Variants in GNB1 observed in about 807,000 individuals in gnomAD.
The protein encoded by GNB1 is G protein subunit beta 1, also known as guanine nucleotide-binding protein G(I)/G(S)/G(T) subunit beta-1.
GNB1 carries 2 observed loss-of-function variants against 42.9 expected under a neutral mutation model. The observed-to-expected ratio is 0.05, with a 90% CI of 0.02 to 0.15. The LOEUF is 0.15. Ranked by LOEUF, GNB1 falls within the 10% of genes least tolerant of loss-of-function variation. GNB1 has a pLI of 1.00. For synonymous variants in GNB1, 183 were observed against 174.7 expected, an observed-to-expected ratio of 1.05 and a Z score of -0.38; for missense variants, 193 against 462.2, an observed-to-expected ratio of 0.42 and a Z score of 5.34.
In GNB1 at chr1:1,790,300, G is replaced by A. The variant is rs2100500785; in HGVS notation, c.699+95C>T. ...ATGAGGTTGTATAAGGATCAGAAAG[G>A]AGAACATCTAATCCAGAAAAGTTTA... On this transcript the variant is annotated intron_variant, in intron 9 of 11. Transcript: ENST00000378609. This position sits in a 1 kb window ranked among gnomAD's most constrained non-coding sequence, Gnocchi z 5.4. The A allele has an allele frequency of 2.4e-6, 2 of 822,366 alleles. No homozygotes were observed. The highest frequency in any genetic ancestry group is 4.1e-6 in the Non-Finnish European group (2 of 484,434). 50.9% of individuals were successfully genotyped at this position (822,366 alleles called of 1,614,324 possible).
chr1:1,888,736 G>A (rs1002663165), intron 1 of GNB1, among the ~76,000 whole-genome samples: 1 of 152,142 alleles, frequency 6.6e-6, no homozygotes, highest in Admixed American at 6.5e-5. Flanking sequence ...TACTCGGGAG[G>A]CTGAGGCAAG....
chr1:1,804,569 G>T lies in GNB1; in HGVS notation c.280C>A (p.Pro94Thr). 6.2e-7 allele frequency: 1 copy of T among 1,603,756 alleles called. No individual in the cohort carries two copies. The highest frequency in any genetic ancestry group is 8.5e-7 in the Non-Finnish European group (1 of 1,173,966). ...GTCATGACCCAGGAGGAGCGCAGAG[G>T]GATGGCGTGGACCTAATGACAGAAA... ...SYTTNKVHAI[P>T]LRSSWVMTCA... The change falls in exon 7 of 12, where the codon CCT becomes ACT. Residue 94 changes from proline to threonine, a missense_variant. By Grantham distance (38) the Pro-to-Thr change is conservative. Coordinates refer to ENST00000378609, the MANE Select transcript of GNB1 (RefSeq NM_002074.5).
At chr1:1,788,929 C>G (rs1646442591) in intron 10 of GNB1, 124 bp downstream of exon 10, 1 of 708,160 alleles carries the variant, frequency 1.4e-6, no homozygotes, top group Non-Finnish European at 2.4e-6. Context: ...ACTGTCACTC[C>G]TGCTACGCCA....
chr1:1,845,572 C>CA (rs919629027), intron 1 of GNB1, among the ~76,000 whole-genome samples: 1 of 150,280 alleles, frequency 6.7e-6, no homozygotes, highest in Admixed American at 6.6e-5. Context: ...GACTCCGTCT[C>CA]AAAAAAAATA....
At chr1:1,857,457 T>A (rs1025880722) in intron 1 of GNB1, among the ~76,000 whole-genome samples, 3 of 152,108 alleles carry the variant, frequency 2.0e-5, no homozygotes, top group African/African-American at 7.2e-5. Flanking sequence ...CATGTCTCTG[T>A]CTCCAGAGTC....
chr1:1,787,291 T>G lies in GNB1; in HGVS notation c.*9+31A>C. On this transcript the variant is annotated intron_variant, in intron 11 of 11. Coordinates refer to ENST00000378609, the MANE Select transcript of GNB1 (RefSeq NM_002074.5). The surrounding 1 kb of genome is among the most constrained non-coding windows in gnomAD (Gnocchi z 4.4). ...CTATGAGAAACACGCACAGTTCTCC[T>G]CAGAGAAGGGCATTTGGGCTGCTGC... The G allele has an allele frequency of 9.0e-7, 1 of 1,111,738 alleles. No homozygotes were observed. The highest frequency in any genetic ancestry group is 1.4e-6 in the Non-Finnish European group (1 of 725,314). The allele number at this position is 1,111,738 out of a possible 1,614,324, so 68.9% of individuals were successfully genotyped here. A position where few individuals can be genotyped will look rare whatever the true frequency, so the allele number is the denominator to read the frequency against.
intron 1 of GNB1, among the ~76,000 whole-genome samples, chr1:1,854,350 T>C (rs1319798239): frequency 1.3e-5 from 2 of 152,200 alleles, no homozygotes; most frequent in Non-Finnish European, 2.9e-5. Context: ...TCTTACCTGC[T>C]GAAACACTGA....
At chr1:1,816,680 G>A (rs1422004495) in intron 4 of GNB1, among the ~76,000 whole-genome samples, 3 of 124,706 alleles carry the variant, frequency 2.4e-5, no homozygotes, top group South Asian at 5.0e-4. Flanking sequence ...ATGGAGTCTC[G>A]CTCTGTCTCC....
intron 6 of GNB1, among the ~76,000 whole-genome samples, chr1:1,805,938 C>A (rs1416467627): frequency 6.6e-6 from 1 of 152,156 alleles, no homozygotes; most frequent in East Asian, 1.9e-4. Flanking sequence ...GTAATTAATG[C>A]AATCATTTAT....
chr1:1,788,063 C>T (rs1646430666), intron 10 of GNB1: 1 of 152,288 alleles, frequency 6.6e-6, no homozygotes, highest in South Asian at 2.1e-4. Context: ...CCGCCCCAAT[C>T]TCAAAGCAAT....
At chr1:1,845,124 A>G (rs1423462519) in intron 1 of GNB1, among the ~76,000 whole-genome samples, 1 of 152,222 alleles carries the variant, frequency 6.6e-6, no homozygotes, top group Non-Finnish European at 1.5e-5. Context: ...CAGTATCAAT[A>G]AAAAGATAAC....
Position 1,799,712 on chromosome 1 carries a change from AAAG to A in GNB1, c.430+4704_430+4706del, listed in dbSNP as rs1223138006. On this transcript the variant is annotated intron_variant, in intron 7 of 11. Coordinates refer to ENST00000378609, the MANE Select transcript of GNB1 (RefSeq NM_002074.5). Reference sequence around the variant, plus strand: ...AACTGGAGGAGTCTCCCCTGGGAGAAAAGAAAGGCAGGACATGGTTTGTTCTTA... The same window carrying A: ...AACTGGAGGAGTCTCCCCTGGGAGAAAAAGGCAGGACATGGTTTGTTCTTA... Among the ~76,000 whole-genome samples, 4 of 152,216 alleles carry A rather than the reference AAAG, an allele frequency of 2.6e-5. No individual in the cohort carries two copies. The East Asian group carries it at 7.7e-4, about 29-fold the overall frequency.
intron 2 of GNB1, chr1:1,832,101 A>T (rs1647084479): frequency 1.3e-5 from 2 of 151,706 alleles, no homozygotes; most frequent in Non-Finnish European, 2.9e-5. Context: ...AGAAAAATAT[A>T]CTCACTTTAA....
In GNB1 at chr1:1,786,176, T is replaced by C. The variant is rs1646403722; in HGVS notation, c.*887A>G. The C allele has an allele frequency of 2.5e-6, 1 of 398,186 alleles. No individual in the cohort carries two copies. The highest frequency in any genetic ancestry group is 4.4e-5 in the Admixed American group (1 of 22,676). The allele number at this position is 398,186 out of a possible 1,614,324, so 24.7% of individuals were successfully genotyped here. A position where few individuals can be genotyped will look rare whatever the true frequency, so the allele number is the denominator to read the frequency against. The stretch of plus-strand genomic sequence containing the variant: ...TCCAAGCACAGGACAGGCATCTCTC[T>C]TGAAAACAGAGGTTCCTCCTAGTTG... On this transcript the variant is annotated 3_prime_UTR_variant, in exon 12 of 12. Transcript: ENST00000378609.
chr1:1,886,822 C>T (rs1650182393), intron 1 of GNB1, among the ~76,000 whole-genome samples: 1 of 152,204 alleles, frequency 6.6e-6, no homozygotes, highest in South Asian at 2.1e-4. Context: ...TCTCCTGCCT[C>T]AGCCTCCTGA....
At chr1:1,815,699 G>A (rs1390599402) in intron 5 of GNB1, 57 bp downstream of exon 5, 2 of 928,214 alleles carry the variant, frequency 2.2e-6, no homozygotes, top group Non-Finnish European at 3.5e-6. Context: ...TTTCCCCTAG[G>A]ACAACAGAGC....
At chr1:1,823,142 C>T (rs1182186894) in intron 3 of GNB1, among the ~76,000 whole-genome samples, 2 of 148,966 alleles carry the variant, frequency 1.3e-5, no homozygotes, top group African/African-American at 2.5e-5. Flanking sequence ...CTCAGGAGGC[C>T]GAGGCAGGAG....
intron 2 of GNB1, among the ~76,000 whole-genome samples, chr1:1,837,560 T>G (rs1647169470): frequency 6.9e-6 from 1 of 145,836 alleles, no homozygotes; most frequent in African/African-American, 2.6e-5. Flanking sequence ...GGCCTTTTTG[T>G]TTTTGTTTTT....
At chr1:1,880,594 A>T (rs59911761) in intron 1 of GNB1, among the ~76,000 whole-genome samples, 24,751 of 151,486 alleles carry the variant, frequency 0.16, 2,143 homozygotes, top group Middle Eastern at 0.32. Context: ...TCAAAAAAAA[A>T]ATATATATAT....
Sources: gnomAD v4.1 joint callset for allele counts (sites outside exome capture counted in the v4.1 genomes callset) on GRCh38, gnomAD v4.1.1 for gene constraint, Gnocchi (gnomAD v3.1) non-coding constraint, MANE v1.5 for transcripts, NCBI Gene and HGNC (gene_info 2026-07-23, HGNC 2026-07-21) for gene names.